The following ABR variants were observed in gnomAD, a reference collection of about 807,000 sequenced individuals.
ABR encodes active breakpoint cluster region-related protein.
In ABR, 35 loss-of-function variants were observed where a neutral mutation model predicts 107.2. The ratio of observed to expected loss-of-function variants is 0.33; its 90% CI spans 0.25 to 0.43. ABR has a LOEUF of 0.43. Among genes scored for constraint, ABR ranks in the 20% least tolerant of loss-of-function variants. The pLI, the probability that ABR is intolerant of heterozygous loss-of-function variation, is 1.00. For synonymous variants in ABR, 498 were observed against 462.0 expected (o/e 1.08, Z -1.00); for missense variants, 815 against 1,115.2 (o/e 0.73, Z 3.83).
chr17:1,051,699 G>A lies in ABR; in HGVS notation c.1562-1065C>T, dbSNP rs992161434. On this transcript the variant is annotated intron_variant, in intron 14 of 22. Coordinates refer to ENST00000302538, the MANE Select transcript of ABR (RefSeq NM_021962.5). This position sits in a 1 kb window ranked among gnomAD's most constrained non-coding sequence, Gnocchi z 4.3. The stretch of plus-strand genomic sequence containing the variant: ...CTCTGCAGCGTGAAACAACGTCAGA[G>A]GTCACAGTGCGGGCATACAGTGCAG... Among the ~76,000 whole-genome samples the A allele has an allele frequency of 5.3e-5, 8 of 152,216 alleles. No homozygotes were observed. Among genetic ancestry groups the A allele is most frequent in the African/African-American group, 1.9e-4 (8 of 41,462 alleles).
chr17:1,088,509 A>G (rs1033559851), intron 4 of ABR, among the ~76,000 whole-genome samples: 3 of 151,384 alleles, frequency 2.0e-5, no homozygotes, highest in African/African-American at 7.3e-5. Flanking sequence ...ACTGATGATA[A>G]TGACCAGTTA....
At position 1,010,588 on chromosome 17, in the gene ABR, C is replaced by T; in HGVS notation, c.2236+141G>A. On this transcript the variant is annotated intron_variant, in intron 20 of 22. Coordinates refer to ENST00000302538, the MANE Select transcript of ABR (RefSeq NM_021962.5). The surrounding 1 kb of genome is among the most constrained non-coding windows in gnomAD (Gnocchi z 4.1). The stretch of plus-strand genomic sequence containing the variant: ...GCAGGCCACACCTCACCCTCGGACC[C>T]CTCAGCCACAGGCCCCAGTGCACTG... 1 of 1,185,730 alleles carries T rather than the reference C, an allele frequency of 8.4e-7. No individual in the cohort carries two copies. Among genetic ancestry groups the T allele is most frequent in the Non-Finnish European group, 1.2e-6 (1 of 853,296 alleles). 73.5% of individuals were successfully genotyped at this position (1,185,730 alleles called of 1,614,324 possible).
chr17:1,032,926 G>C (rs1033248181), intron 16 of ABR, among the ~76,000 whole-genome samples: 1 of 152,306 alleles, frequency 6.6e-6, no homozygotes, highest in Admixed American at 6.5e-5. Flanking sequence ...TCTTTCAAAC[G>C]CCCGACTGCA....
At chr17:1,095,553 A>C (rs1442862105) in intron 3 of ABR, among the ~76,000 whole-genome samples, 1 of 152,110 alleles carries the variant, frequency 6.6e-6, no homozygotes, top group Non-Finnish European at 1.5e-5. Context: ...CATTCTGCCA[A>C]AGCGCTAGCA....
In ABR at chr17:1,200,367, T is replaced by A. The variant is rs1164038457; in HGVS notation, c.838+28426A>T. On this transcript the variant is annotated intron_variant, in intron 1 of 22. Transcript: ENST00000574139. This position sits in a 1 kb window ranked among gnomAD's most constrained non-coding sequence, Gnocchi z 4.1. ...GCCTGGGCAACATAGCAAGACACTG[T>A]CTCCATTAAAAAAAATTTTTTTAAA... is the stretch of plus-strand genomic sequence containing the variant. Among the ~76,000 whole-genome samples the A allele has an allele frequency of 1.3e-5, 2 of 151,944 alleles. No individual in the cohort carries two copies. The highest frequency in any genetic ancestry group is 2.9e-5 in the Non-Finnish European group (2 of 68,012).
At chr17:1,212,702 C>T (rs1294424855) in intron 1 of ABR, among the ~76,000 whole-genome samples, 1 of 152,202 alleles carries the variant, frequency 6.6e-6, no homozygotes, top group Non-Finnish European at 1.5e-5. Context: ...CCAGCCTGAT[C>T]AACATGGAAA....
chr17:1,102,290 G>T (rs78383802), intron 2 of ABR, among the ~76,000 whole-genome samples: 3,370 of 152,296 alleles, frequency 0.022, 122 homozygotes, highest in African/African-American at 0.076. Context: ...GGCCACAGAA[G>T]GGGAGTGAGA....
At chr17:1,103,959 G>C (rs1003990935) in intron 2 of ABR, among the ~76,000 whole-genome samples, 1 of 152,098 alleles carries the variant, frequency 6.6e-6, no homozygotes, top group Non-Finnish European at 1.5e-5. Flanking sequence ...GTCTTTGCAG[G>C]GCGTCTCTTG....
intron 2 of ABR, among the ~76,000 whole-genome samples, chr17:1,121,407 G>C (rs1251732189): frequency 6.6e-6 from 1 of 152,250 alleles, no homozygotes; most frequent in Non-Finnish European, 1.5e-5. Context: ...TCTAAACCTG[G>C]CGAGAAAAGT....
intron 3 of ABR, among the ~76,000 whole-genome samples, chr17:1,098,238 A>G (rs905206417): frequency 3.3e-5 from 5 of 151,864 alleles, no homozygotes; most frequent in Non-Finnish European, 7.4e-5. Context: ...ACGCCCGGCT[A>G]ATTTTTTTTG....
Position 1,057,068 on chromosome 17 carries a change from G to C in ABR, c.1416C>G (p.Leu472=). Residue 472 remains leucine, a synonymous_variant, in exon 13 of 23, where the codon CTC becomes CTG. Coordinates refer to ENST00000302538, the MANE Select transcript of ABR (RefSeq NM_021962.5). ...LQAFVLSSVE[L]QVLTGSCFKL... ...TGAAACAGGATCCTGTGAGCACCTG[G>C]AGCTCCACTGAGCTCAGGACAAAGG... 1 of 1,612,782 alleles carries C rather than the reference G, an allele frequency of 6.2e-7. No homozygotes were observed. Among genetic ancestry groups the C allele is most frequent in the Middle Eastern group, 1.7e-4 (1 of 6,054 alleles).
intron 16 of ABR, among the ~76,000 whole-genome samples, chr17:1,034,489 T>C (rs1248037023): frequency 6.6e-6 from 1 of 152,174 alleles, no homozygotes; most frequent in Non-Finnish European, 1.5e-5. Flanking sequence ...AAATCCCATA[T>C]TACGGCCTCA....
At chr17:1,013,311 C>T (rs1381017274) in intron 16 of ABR, 147 bp from the exon 17 acceptor site, 6 of 834,246 alleles carry the variant, frequency 7.2e-6, no homozygotes, top group Non-Finnish European at 1.1e-5. Context: ...ACCTGGAAAT[C>T]AACCCTTTGG....
At chr17:1,095,763 C>G (rs978262137) in intron 3 of ABR, among the ~76,000 whole-genome samples, 3 of 152,232 alleles carry the variant, frequency 2.0e-5, no homozygotes, top group Non-Finnish European at 2.9e-5. Flanking sequence ...TTTGTCAGCT[C>G]TGTCCCCCAG....
Position 1,151,525 on chromosome 17 carries a change from C to G in ABR, c.62-26158G>C, listed in dbSNP as rs1248317476. 3.3e-5 allele frequency among the ~76,000 whole-genome samples: 5 copies of G among 152,132 alleles called. No individual in the cohort carries two copies. The East Asian group carries it at 7.7e-4, about 23-fold the overall frequency. On this transcript the variant is annotated intron_variant, in intron 1 of 22. Transcript: ENST00000302538. ...GCCATTTAGAAACCACAAAGGGCCTCGGTCAGCCACTCCCCACCTCAAAGC... is the reference window on the plus strand; with the variant it reads ...GCCATTTAGAAACCACAAAGGGCCTGGGTCAGCCACTCCCCACCTCAAAGC...
chr17:1,185,796 A>G (rs1230313119), intron 1 of ABR, among the ~76,000 whole-genome samples: 1 of 151,250 alleles, frequency 6.6e-6, no homozygotes, highest in Non-Finnish European at 1.5e-5. Context: ...GCTTTGCTCT[A>G]TTCCCATTTC....
chr17:1,188,097 C>T (rs2042350491), upstream of ABR, among the ~76,000 whole-genome samples: 1 of 151,944 alleles, frequency 6.6e-6, no homozygotes, highest in Non-Finnish European at 1.5e-5. Flanking sequence ...CATCTGTAGT[C>T]CCAGCTACTC....
intron 1 of ABR, among the ~76,000 whole-genome samples, chr17:1,174,104 C>G (rs940253821): frequency 6.6e-6 from 1 of 152,206 alleles, no homozygotes; most frequent in African/African-American, 2.4e-5. Flanking sequence ...CCCGCCATTC[C>G]CCATCTTCCA....
chr17:1,102,741 C>G (rs1277609543), intron 2 of ABR, among the ~76,000 whole-genome samples: 1 of 152,014 alleles, frequency 6.6e-6, no homozygotes, highest in Non-Finnish European at 1.5e-5. Context: ...ACAAAGTCTC[C>G]CTCTGTCGCC....
Sources: gnomAD v4.1 joint callset for allele counts (sites outside exome capture counted in the v4.1 genomes callset) on GRCh38, gnomAD v4.1.1 for gene constraint, Gnocchi (gnomAD v3.1) non-coding constraint, MANE v1.5 for transcripts, NCBI Gene and HGNC (gene_info 2026-07-23, HGNC 2026-07-21) for gene names.